NMNAT2: variants seen among roughly 807,000 people sequenced by gnomAD.
NMNAT2 encodes the protein nicotinamide/nicotinic acid mononucleotide adenylyltransferase 2.
In NMNAT2, 11 loss-of-function variants were observed where a neutral mutation model predicts 41.6. The ratio of observed to expected loss-of-function variants is 0.26; its 90% CI spans 0.17 to 0.44. NMNAT2 has a LOEUF of 0.44. Among genes scored for constraint, NMNAT2 ranks in the 20% least tolerant of loss-of-function variants. The pLI is 1.00. For synonymous variants in NMNAT2, 148 were observed against 151.2 expected (o/e 0.98, Z 0.16); for missense variants, 288 against 407.7 (o/e 0.71, Z 2.53).
chr1:183,287,481 G>C (rs1661429933), intron 4 of NMNAT2, among the ~76,000 whole-genome samples: 1 of 152,184 alleles, frequency 6.6e-6, no homozygotes, highest in South Asian at 2.1e-4. Flanking sequence ...ACACATGACA[G>C]AGCCAAGTGG....
intron 1 of NMNAT2, among the ~76,000 whole-genome samples, chr1:183,328,458 C>T (rs1662514308): frequency 6.6e-6 from 1 of 152,228 alleles, no homozygotes; most frequent in Non-Finnish European, 1.5e-5. Flanking sequence ...CCTCCTTGGG[C>T]AATGCCCTTG....
intron 1 of NMNAT2, among the ~76,000 whole-genome samples, chr1:183,309,372 T>G (rs1662060172): frequency 6.6e-6 from 1 of 152,050 alleles, no homozygotes; most frequent in Non-Finnish European, 1.5e-5. Context: ...AAAATAAATT[T>G]AGTGGAGCAA....
chr1:183,415,486 T>C (rs1649229150), intron 1 of NMNAT2, among the ~76,000 whole-genome samples: 1 of 151,972 alleles, frequency 6.6e-6, no homozygotes. Context: ...GAAAATAGAG[T>C]GTTCATGGAA....
chr1:183,285,869 G>A (rs1661386539), intron 5 of NMNAT2, among the ~76,000 whole-genome samples: 1 of 152,132 alleles, frequency 6.6e-6, no homozygotes, highest in South Asian at 2.1e-4. Context: ...TCCTAGGTTT[G>A]GGGTATGTGT....
At chr1:183,284,835 A>T (rs75105337) in intron 5 of NMNAT2, 45 bp from the exon 6 acceptor site, 1 of 1,511,212 alleles carries the variant, frequency 6.6e-7, no homozygotes, top group Non-Finnish European at 9.2e-7. Context: ...GGGAGAGAAC[A>T]ACTCACAACT....
At chr1:183,387,645 G>A (rs528099822) in intron 1 of NMNAT2, among the ~76,000 whole-genome samples, 2 of 152,224 alleles carry the variant, frequency 1.3e-5, no homozygotes, top group South Asian at 4.1e-4. Context: ...TTTCAGTGCT[G>A]GCCCCAAATG....
intron 1 of NMNAT2, among the ~76,000 whole-genome samples, chr1:183,342,742 AT>A (rs199597851): frequency 5.3e-5 from 8 of 151,082 alleles, no homozygotes; most frequent in South Asian, 4.2e-4. Flanking sequence ...ATTTAATTTA[AT>A]TTTTTTTTGA....
At chr1:183,396,239 G>T (rs1005533163) in intron 1 of NMNAT2, among the ~76,000 whole-genome samples, 1 of 152,156 alleles carries the variant, frequency 6.6e-6, no homozygotes, top group Non-Finnish European at 1.5e-5. Flanking sequence ...TAGGTAGTTA[G>T]GCATGAGCAG....
rs1039454122 is a variant in NMNAT2, at chr1:183,307,466, G to A, written c.86-13673C>T. Among the ~76,000 whole-genome samples the A allele has an allele frequency of 6.0e-5, 9 of 150,244 alleles. No individual in the cohort carries two copies. In the South Asian group the frequency reaches 8.4e-4, roughly 14 times the overall value. On this transcript the variant is annotated intron_variant, in intron 1 of 10. Coordinates refer to ENST00000287713, the MANE Select transcript of NMNAT2 (RefSeq NM_015039.4). ...GAATGTATATTTTTTTTTTTAGACA[G>A]AGTTTTGCTTCTGTTGCCCAGGCTG...
At position 183,341,736 on chromosome 1, in the gene NMNAT2, A is replaced by AAAAACAAAAACAAAAAC. The variant is rs1557883696; in HGVS notation, c.86-47944_86-47943insGTTTTTGTTTTTGTTTT. 9.4e-5 allele frequency among the ~76,000 whole-genome samples: 13 copies of AAAAACAAAAACAAAAAC among 138,214 alleles called. 1 individual carries two copies. Among genetic ancestry groups the AAAAACAAAAACAAAAAC allele is most frequent in the African/African-American group, 3.4e-4 (12 of 35,808 alleles). The allele number at this position is 138,214 out of a possible 152,430, so 90.7% of individuals were successfully genotyped here. ...AAACAAACAAACACCAAAAAAAAAAAAAAAAAAAAAACCTGTTTCCTTCAC... is the reference window on the plus strand; with the variant it reads ...AAACAAACAAACACCAAAAAAAAAAAAAAACAAAAACAAAAACAAAAAAAAAAACCTGTTTCCTTCAC... On this transcript the variant is annotated intron_variant, in intron 1 of 10. Coordinates refer to ENST00000287713, the MANE Select transcript of NMNAT2 (RefSeq NM_015039.4).
chr1:183,351,253 T>C (rs1300888853), intron 1 of NMNAT2, among the ~76,000 whole-genome samples: 1 of 152,250 alleles, frequency 6.6e-6, no homozygotes, highest in Non-Finnish European at 1.5e-5. Flanking sequence ...TCTGACGAAG[T>C]GCATGGATTC....
chr1:183,342,870 A>T (rs1472630624), intron 1 of NMNAT2, among the ~76,000 whole-genome samples: 1 of 151,518 alleles, frequency 6.6e-6, no homozygotes, highest in Non-Finnish European at 1.5e-5. Context: ...AGTAGCTGAG[A>T]CTACAGACAT....
rs184836274 is a variant in NMNAT2 at position 183,287,282 on chromosome 1, G to A, written c.322-494C>T. On this transcript the variant is annotated intron_variant, in intron 4 of 10. Coordinates refer to ENST00000287713, the MANE Select transcript of NMNAT2 (RefSeq NM_015039.4). ...CAAATGAGATCATGTCTGCAAAAGGGCTCTGTAAGCTTGGGAAAGGTCATA... is the reference window on the plus strand; with the variant it reads ...CAAATGAGATCATGTCTGCAAAAGGACTCTGTAAGCTTGGGAAAGGTCATA... 1.8e-4 allele frequency among the ~76,000 whole-genome samples: 27 copies of A among 152,206 alleles called. No homozygotes were observed. In the East Asian group the frequency reaches 4.8e-3, roughly 27 times the overall value.
chr1:183,312,073 G>A (rs1413118279), intron 1 of NMNAT2, among the ~76,000 whole-genome samples: 1 of 152,058 alleles, frequency 6.6e-6, no homozygotes, highest in Non-Finnish European at 1.5e-5. Context: ...GGAACTGTGA[G>A]TCCATTAAAC....
chr1:183,340,384 G>A (rs2811555), intron 1 of NMNAT2, among the ~76,000 whole-genome samples: 109,999 of 148,884 alleles, frequency 0.74, 40,688 homozygotes, highest in East Asian at 0.9. Context: ...GTGCAGTGGC[G>A]CAATCTTGGC....
chr1:183,379,268 C>T (rs1293604403), intron 1 of NMNAT2, among the ~76,000 whole-genome samples: 2 of 152,090 alleles, frequency 1.3e-5, no homozygotes, highest in Non-Finnish European at 2.9e-5. Flanking sequence ...GCAGCCTCAA[C>T]CTCCTGGGCT....
intron 1 of NMNAT2, among the ~76,000 whole-genome samples, chr1:183,323,050 G>C (rs1662385547): frequency 6.6e-6 from 1 of 152,136 alleles, no homozygotes. Flanking sequence ...TCCTGCCTCA[G>C]TCTCCTGAAT....
intron 1 of NMNAT2, among the ~76,000 whole-genome samples, chr1:183,342,022 CTTTT>C (rs11355849): frequency 1.9e-4 from 25 of 132,538 alleles, no homozygotes; most frequent in African/African-American, 5.3e-4. Flanking sequence ...CCTTCCTCAC[CTTTT>C]TTTTTTTTTT....
chr1:183,353,341 C>A (rs1313543260), intron 1 of NMNAT2, among the ~76,000 whole-genome samples: 1 of 152,134 alleles, frequency 6.6e-6, no homozygotes, highest in Non-Finnish European at 1.5e-5. Flanking sequence ...GAGACTAGGG[C>A]AAAGGTTCTC....
Sources: allele counts gnomAD v4.1 joint callset (sites outside exome capture counted in the v4.1 genomes callset), GRCh38; gene constraint gnomAD v4.1.1; transcripts MANE v1.5; gene names NCBI Gene and HGNC (gene_info 2026-07-23, HGNC 2026-07-21).